The following PPP1R14C variants were observed in gnomAD, a reference collection of about 807,000 sequenced individuals.
PPP1R14C encodes the protein protein phosphatase 1 regulatory subunit 14C.
PPP1R14C carries 16 observed loss-of-function variants against 20.4 expected under a neutral mutation model. The observed-to-expected ratio is 0.78, with a 90% CI of 0.53 to 1.19. PPP1R14C has a LOEUF of 1.19. Among genes scored for constraint, PPP1R14C ranks in the 50% most tolerant of loss-of-function variants. PPP1R14C has a pLI of 0.00. For missense variants in PPP1R14C, 211 were observed against 220.1 expected (o/e 0.96, Z 0.26); for synonymous variants, 91 against 91.0 (o/e 1.00, Z 0.00).
At chr6:150,187,842 A>G (rs1289360212) in intron 1 of PPP1R14C, among the ~76,000 whole-genome samples, 1 of 152,186 alleles carries the variant, frequency 6.6e-6, no homozygotes, top group Admixed American at 6.5e-5. Flanking sequence ...CCACAGTTAA[A>G]TGGTACTTGA....
intron 3 of PPP1R14C, among the ~76,000 whole-genome samples, chr6:150,223,058 C>T (rs1778189348): frequency 1.3e-5 from 2 of 152,158 alleles, no homozygotes; most frequent in Admixed American, 1.3e-4. Context: ...CATTAGCCAC[C>T]ATGCCCAGCC....
intron 1 of PPP1R14C, among the ~76,000 whole-genome samples, chr6:150,190,570 G>A (rs1231865473): frequency 6.6e-6 from 1 of 152,028 alleles, no homozygotes; most frequent in Non-Finnish European, 1.5e-5. Flanking sequence ...GGGACTACAG[G>A]CGCATGCCAG....
Position 150,143,436 on chromosome 6 carries a change from C to T in PPP1R14C, c.244C>T (p.Arg82Trp). Residue 82 changes from arginine (R) to tryptophan (W), a missense_variant, in exon 1 of 4, where the codon CGG becomes TGG. Coordinates refer to ENST00000361131, the MANE Select transcript of PPP1R14C (RefSeq NM_030949.3). The surrounding 1 kb of genome is among the most constrained non-coding windows in gnomAD (Gnocchi z 5.6). Reference protein sequence around the residue: ...VTVKYDRKELRKRLVLEEWIV... With the variant: ...VTVKYDRKELWKRLVLEEWIV... ...AGTGAAATACGATCGTAAGGAGCTT[C>T]GGAAGCGGCTGGTGCTGGAGGAATG... is the stretch of plus-strand genomic sequence containing the variant. 2 of 1,606,398 alleles carry T rather than the reference C, an allele frequency of 1.2e-6. No individual in the cohort carries two copies. The highest frequency in any genetic ancestry group is 1.7e-6 in the Non-Finnish European group (2 of 1,175,856).
intron 3 of PPP1R14C, among the ~76,000 whole-genome samples, chr6:150,240,291 T>C (rs904404639): frequency 6.6e-6 from 1 of 152,208 alleles, no homozygotes; most frequent in African/African-American, 2.4e-5. Context: ...AGGCCTGATA[T>C]TGTTACCAGT....
chr6:150,189,481 G>A (rs1777717286), intron 1 of PPP1R14C, among the ~76,000 whole-genome samples: 1 of 151,860 alleles, frequency 6.6e-6, no homozygotes. Context: ...ATTTGAGCGA[G>A]AGTCTAGCCT....
Position 150,233,250 on chromosome 6 carries a change from G to A in PPP1R14C, c.424-15496G>A, listed in dbSNP as rs117186336. Among the ~76,000 whole-genome samples the A allele has an allele frequency of 1.4e-3, 215 of 152,244 alleles. 1 individual carries two copies. In the East Asian group the frequency reaches 0.036, roughly 25 times the overall value. ...TGCAAAAAGGGGAGTGAGGAGGGGCGGTTAGAGACCCAGGTGGAGAAAGTA... is the reference window on the plus strand; with the variant it reads ...TGCAAAAAGGGGAGTGAGGAGGGGCAGTTAGAGACCCAGGTGGAGAAAGTA... On this transcript the variant is annotated intron_variant, in intron 3 of 3. Coordinates refer to ENST00000361131, the MANE Select transcript of PPP1R14C (RefSeq NM_030949.3).
intron 1 of PPP1R14C, among the ~76,000 whole-genome samples, chr6:150,184,584 A>G (rs1426384176): frequency 6.8e-6 from 1 of 146,566 alleles, no homozygotes; most frequent in African/African-American, 2.5e-5. Flanking sequence ...TTTTGTCGTT[A>G]CTATACCTAT....
intron 1 of PPP1R14C, among the ~76,000 whole-genome samples, chr6:150,161,211 C>G (rs547482940): frequency 2.6e-5 from 4 of 151,510 alleles, no homozygotes; most frequent in African/African-American, 9.7e-5. Context: ...ACCCAGGAGG[C>G]AGAGGTTGCA....
At chr6:150,210,347 C>T (rs1296288956) in intron 1 of PPP1R14C, among the ~76,000 whole-genome samples, 2 of 152,322 alleles carry the variant, frequency 1.3e-5, no homozygotes, top group Admixed American at 6.5e-5. Flanking sequence ...TTCTTTCCCC[C>T]GATCCCTCAT....
At chr6:150,156,024 CAAAAAAAAAAAA>C (rs67908012) in intron 1 of PPP1R14C, among the ~76,000 whole-genome samples, 1 of 38,420 alleles carries the variant, frequency 2.6e-5, no homozygotes, top group Non-Finnish European at 4.7e-5. Context: ...GACTCTGTCT[CAAAAAAAAAAAA>C]AAAAAAAAAA....
chr6:150,176,615 A>T (rs1441948368), intron 1 of PPP1R14C, among the ~76,000 whole-genome samples: 1 of 152,168 alleles, frequency 6.6e-6, no homozygotes, highest in Non-Finnish European at 1.5e-5. Flanking sequence ...ATTTTGGTGG[A>T]TTTGTGGATT....
chr6:150,171,030 C>A (rs1260873591), intron 1 of PPP1R14C, among the ~76,000 whole-genome samples: 3 of 152,086 alleles, frequency 2.0e-5, no homozygotes, highest in Non-Finnish European at 2.9e-5. Context: ...AGCCTCCCCA[C>A]CAACTCCCCC....
intron 1 of PPP1R14C, among the ~76,000 whole-genome samples, chr6:150,210,881 C>G (rs1778016215): frequency 6.6e-6 from 1 of 152,176 alleles, no homozygotes; most frequent in Non-Finnish European, 1.5e-5. Flanking sequence ...CCATTTCTGT[C>G]ACCTGTCTGG....
chr6:150,177,613 A>G (rs1777577332), intron 1 of PPP1R14C, among the ~76,000 whole-genome samples: 1 of 151,904 alleles, frequency 6.6e-6, no homozygotes, highest in African/African-American at 2.4e-5. Flanking sequence ...GGTTCAACAT[A>G]CACATATCTG....
chr6:150,163,641 G>T lies in PPP1R14C; in HGVS notation c.306+20143G>T, dbSNP rs200092221. On this transcript the variant is annotated intron_variant, in intron 1 of 3. Coordinates refer to ENST00000361131, the MANE Select transcript of PPP1R14C (RefSeq NM_030949.3). ...TAAAAGCTTTTATGTCTGTTTTTTT[G>T]TTGTTGTTGTTGTTCAACATTAGAT... is the stretch of plus-strand genomic sequence containing the variant. 6.0e-3 allele frequency among the ~76,000 whole-genome samples: 906 copies of T among 151,894 alleles called. 7 individuals are homozygous for T. Among genetic ancestry groups the T allele is most frequent in the African/African-American group, 0.019 (777 of 41,414 alleles).
intron 1 of PPP1R14C, among the ~76,000 whole-genome samples, chr6:150,188,600 C>T (rs1423361293): frequency 6.7e-6 from 1 of 148,446 alleles, no homozygotes; most frequent in Non-Finnish European, 1.5e-5. Context: ...CATTCTCCTG[C>T]CTCAGCCTCC....
intron 3 of PPP1R14C, among the ~76,000 whole-genome samples, chr6:150,232,465 T>TA (rs1254163047): frequency 6.6e-6 from 1 of 152,206 alleles, no homozygotes; most frequent in Non-Finnish European, 1.5e-5. Flanking sequence ...TTGTGCTTTT[T>TA]AAAAAAAGGC....
rs1427221294 is a variant in PPP1R14C, at chr6:150,143,332, C to A, written c.140C>A (p.Ser47Ter). ...SSGSGSSREDSAPVATAAAAG... is the reference protein window; with the variant it reads ...SSGSGSSRED ...GGCTCAGGCTCCTCCCGGGAGGACT[C>A]GGCGCCCGTGGCCACGGCGGCCGCT... The change falls in exon 1 of 4, where the codon TCG (serine) becomes TAG (stop). Residue 47 changes from serine (S) to a stop codon, truncating the protein, a stop_gained. Transcript: ENST00000361131. LOFTEE classifies it high-confidence loss of function. This position sits in a 1 kb window ranked among gnomAD's most constrained non-coding sequence, Gnocchi z 5.6. 3.1e-6 allele frequency: 5 copies of A among 1,603,138 alleles called. No homozygotes were observed. Among genetic ancestry groups the A allele is most frequent in the Non-Finnish European group, 4.3e-6 (5 of 1,176,406 alleles).
At chr6:150,184,034 A>T (rs1006364567) in intron 1 of PPP1R14C, among the ~76,000 whole-genome samples, 5 of 152,202 alleles carry the variant, frequency 3.3e-5, no homozygotes, top group African/African-American at 1.2e-4. Flanking sequence ...TTGAAGAAGG[A>T]TTAGTTGTGA....
Sources: gnomAD v4.1 joint callset for allele counts (sites outside exome capture counted in the v4.1 genomes callset) on GRCh38, gnomAD v4.1.1 for gene constraint, Gnocchi (gnomAD v3.1) non-coding constraint, MANE v1.5 for transcripts, NCBI Gene and HGNC (gene_info 2026-07-23, HGNC 2026-07-21) for gene names.